Variants in FUT9 observed in about 807,000 individuals in gnomAD.
The protein encoded by FUT9 is fucosyltransferase 9.
FUT9 carries 15 observed loss-of-function variants against 29.7 expected under a neutral mutation model. The ratio of observed to expected loss-of-function variants is 0.51; its 90% CI spans 0.34 to 0.78. The LOEUF is 0.78. Among genes scored for constraint, FUT9 ranks in the 30% least tolerant of loss-of-function variants. The pLI is 0.01. For synonymous variants in FUT9, 169 were observed against 153.7 expected, an observed-to-expected ratio of 1.10 and a Z score of -0.74; for missense variants, 319 against 425.4, an observed-to-expected ratio of 0.75 and a Z score of 2.20.
intron 1 of FUT9, among the ~76,000 whole-genome samples, chr6:96,108,487 C>T (rs1390914318): frequency 6.6e-6 from 1 of 152,114 alleles, no homozygotes; most frequent in Non-Finnish European, 1.5e-5. Flanking sequence ...GTATAGAACC[C>T]TTAAAATTGT....
In FUT9 at chr6:96,096,374, G is replaced by T. The variant is rs1257373245; in HGVS notation, c.-97-17665G>T. Among the ~76,000 whole-genome samples, 7 of 152,144 alleles carry T rather than the reference G, an allele frequency of 4.6e-5. No homozygotes were observed. In the East Asian group the frequency reaches 1.4e-3, roughly 29 times the overall value. Reference sequence around the variant, plus strand: ...TGTACTAGTTTACTGCCTTTCTGTGGACTATATTCAACATAGCAGAGTGGT... The same window carrying T: ...TGTACTAGTTTACTGCCTTTCTGTGTACTATATTCAACATAGCAGAGTGGT... On this transcript the variant is annotated intron_variant, in intron 1 of 2. Transcript: ENST00000302103.
intron 2 of FUT9, among the ~76,000 whole-genome samples, chr6:96,165,451 G>T (rs545365900): frequency 6.8e-6 from 1 of 148,088 alleles, no homozygotes; most frequent in African/African-American, 2.5e-5. Context: ...AAAAAGAGTC[G>T]ATTCACAATA....
rs899413624 is a variant in FUT9, at chr6:96,064,776, C to T, written c.-98+48564C>T. On this transcript the variant is annotated intron_variant, in intron 1 of 2. Transcript: ENST00000302103. ...GCATGCATGTGCACACACACGCAAA[C>T]ACACATACACACACCATTCAATTTT... is the stretch of plus-strand genomic sequence containing the variant. 9.2e-5 allele frequency among the ~76,000 whole-genome samples: 14 copies of T among 152,236 alleles called. 1 individual carries two copies. Among genetic ancestry groups the T allele is most frequent in the Admixed American group, 5.2e-4 (8 of 15,294 alleles).
intron 2 of FUT9, among the ~76,000 whole-genome samples, chr6:96,191,463 A>G (rs1022014580): frequency 1.2e-4 from 18 of 152,228 alleles, no homozygotes; most frequent in African/African-American, 4.1e-4. Flanking sequence ...CTCTATGCAA[A>G]TAAACTAGAA....
chr6:96,182,697 T>C (rs1438535204), intron 2 of FUT9, among the ~76,000 whole-genome samples: 1 of 152,128 alleles, frequency 6.6e-6, no homozygotes, highest in Non-Finnish European at 1.5e-5. Context: ...GAATAGGGTG[T>C]CCTTTCCTCA....
intron 1 of FUT9, among the ~76,000 whole-genome samples, chr6:96,078,190 T>C (rs757402922): frequency 2.6e-5 from 4 of 152,042 alleles, no homozygotes; most frequent in Non-Finnish European, 4.4e-5. Flanking sequence ...TTCCGGGAGA[T>C]TTCCTCAACT....
intron 1 of FUT9, among the ~76,000 whole-genome samples, chr6:96,074,789 T>C (rs1771117363): frequency 6.6e-6 from 1 of 152,152 alleles, no homozygotes; most frequent in African/African-American, 2.4e-5. Flanking sequence ...TTATTGTTTT[T>C]TTTAAGAGAC....
intron 2 of FUT9, among the ~76,000 whole-genome samples, chr6:96,129,012 C>T (rs1772183985): frequency 6.6e-6 from 1 of 151,230 alleles, no homozygotes; most frequent in Non-Finnish European, 1.5e-5. Context: ...AATTCCAGCA[C>T]TTTGGGAGGC....
At chr6:96,110,938 C>T (rs994502598) in intron 1 of FUT9, among the ~76,000 whole-genome samples, 1 of 151,924 alleles carries the variant, frequency 6.6e-6, no homozygotes, top group African/African-American at 2.4e-5. Flanking sequence ...ACTGGGATTA[C>T]AGGCATGAGC....
At chr6:96,055,805 A>G (rs778765607) in intron 1 of FUT9, among the ~76,000 whole-genome samples, 7 of 148,146 alleles carry the variant, frequency 4.7e-5, no homozygotes, top group Non-Finnish European at 8.9e-5. Context: ...TTGGCCTCCC[A>G]CAGTGCTGGG....
intron 1 of FUT9, among the ~76,000 whole-genome samples, chr6:96,038,070 C>A (rs1265947887): frequency 6.6e-6 from 1 of 152,104 alleles, no homozygotes; most frequent in African/African-American, 2.4e-5. Flanking sequence ...AGCGTTGCCA[C>A]AAGGTCAATG....
intron 2 of FUT9, among the ~76,000 whole-genome samples, chr6:96,180,974 T>C (rs1449001037): frequency 6.6e-6 from 1 of 151,690 alleles, no homozygotes; most frequent in African/African-American, 2.4e-5. Flanking sequence ...GATCTTTACC[T>C]ACTGGTTCTC....
chr6:96,201,265 AT>A (rs1773721983), intron 2 of FUT9, among the ~76,000 whole-genome samples: 2 of 151,924 alleles, frequency 1.3e-5, no homozygotes, highest in Admixed American at 1.3e-4. Context: ...AAATACAACT[AT>A]TTAGTCATAT....
intron 1 of FUT9, among the ~76,000 whole-genome samples, chr6:96,062,299 A>G (rs1234203345): frequency 6.6e-6 from 1 of 152,108 alleles, no homozygotes; most frequent in East Asian, 1.9e-4. Context: ...GGAAGGAAAA[A>G]GATATAGGAA....
intron 1 of FUT9, among the ~76,000 whole-genome samples, chr6:96,076,374 G>A (rs1582213392): frequency 6.6e-6 from 1 of 152,158 alleles, no homozygotes; most frequent in East Asian, 1.9e-4. Context: ...AATTACCTGA[G>A]GGCTTTCAAG....
intron 2 of FUT9, among the ~76,000 whole-genome samples, chr6:96,140,572 G>A (rs1436674291): frequency 6.6e-6 from 1 of 152,162 alleles, no homozygotes; most frequent in Non-Finnish European, 1.5e-5. Context: ...AGGTTTAATT[G>A]ACTTACAGTT....
chr6:96,211,929 T>C lies in FUT9; in HGVS notation c.*7694T>C, dbSNP rs1048731634. The C allele has an allele frequency of 2.7e-5, 11 of 407,680 alleles. No homozygotes were observed. The highest frequency in any genetic ancestry group is 4.5e-6 in the Non-Finnish European group (1 of 222,822). 25.3% of individuals were successfully genotyped at this position (407,680 alleles called of 1,614,324 possible). ...AACAATTTTGAATTAGTTGTGTAAG[T>C]AAAGTAAGTTAAGTTATAGCTTGCT... On this transcript the variant is annotated 3_prime_UTR_variant, in exon 3 of 3. Transcript: ENST00000302103.
At chr6:96,191,143 T>A (rs572213432) in intron 2 of FUT9, among the ~76,000 whole-genome samples, 1 of 152,226 alleles carries the variant, frequency 6.6e-6, no homozygotes, top group African/African-American at 2.4e-5. Context: ...TGCATGTGTG[T>A]TGGAGTTTGC....
At position 96,214,398 on chromosome 6, in the gene FUT9, G is replaced by A. The variant is rs1773997363; in HGVS notation, c.*10163G>A. On this transcript the variant is annotated 3_prime_UTR_variant, in exon 3 of 3. Coordinates refer to ENST00000302103, the MANE Select transcript of FUT9 (RefSeq NM_006581.4). Reference sequence around the variant, plus strand: ...GGCAATAACATAGAACATCTAGGCAGTCTTGACAGTCAACCAGTGTAATCA... The same window carrying A: ...GGCAATAACATAGAACATCTAGGCAATCTTGACAGTCAACCAGTGTAATCA... The A allele has an allele frequency of 6.0e-6, 1 of 166,948 alleles. No individual in the cohort carries two copies. Among genetic ancestry groups the A allele is most frequent in the South Asian group, 2.1e-4 (1 of 4,832 alleles). 10.3% of individuals were successfully genotyped at this position (166,948 alleles called of 1,614,324 possible). A position where few individuals can be genotyped will look rare whatever the true frequency, so the allele number is the denominator to read the frequency against.
Sources: allele counts gnomAD v4.1 joint callset (sites outside exome capture counted in the v4.1 genomes callset), GRCh38; gene constraint gnomAD v4.1.1; transcripts MANE v1.5; gene names NCBI Gene and HGNC (gene_info 2026-07-23, HGNC 2026-07-21).